The following IL1RAPL2 variants were observed in gnomAD, a reference collection of about 807,000 sequenced individuals.
IL1RAPL2 encodes X-linked interleukin-1 receptor accessory protein-like 2.
A neutral mutation model predicts 44.1 loss-of-function variants in IL1RAPL2; 3 were observed. The observed-to-expected ratio is 0.07, with a 90% confidence interval of 0.03 to 0.18. The LOEUF (loss-of-function observed/expected upper bound fraction) is 0.18. Ranked by LOEUF, IL1RAPL2 falls within the 10% of genes least tolerant of loss-of-function variation. The pLI is 1.00. For synonymous variants in IL1RAPL2, 181 were observed against 178.8 expected, an observed-to-expected ratio of 1.01 and a Z score of -0.10; for missense variants, 391 against 496.4, an observed-to-expected ratio of 0.79 and a Z score of 2.02.
chrX:105,699,293 A>G (rs1209415785), intron 6 of IL1RAPL2, among the ~76,000 whole-genome samples: 1 of 111,328 alleles, frequency 9.0e-6, no homozygotes, highest in Non-Finnish European at 1.9e-5. Flanking sequence ...CAATATTCCT[A>G]GACAAATTAT....
intron 2 of IL1RAPL2, among the ~76,000 whole-genome samples, chrX:105,047,632 T>G (rs1376820346): frequency 9.0e-6 from 1 of 111,396 alleles, no homozygotes; most frequent in Non-Finnish European, 1.9e-5. Context: ...TTGTCTTCTA[T>G]TCTAACAAGA....
At chrX:105,367,832 T>C (rs1424281935) in intron 5 of IL1RAPL2, among the ~76,000 whole-genome samples, 2 of 111,882 alleles carry the variant, frequency 1.8e-5, no homozygotes, top group Non-Finnish European at 3.8e-5. Context: ...CTTTTACCAG[T>C]CAGTTTTATT....
chrX:105,072,019 C>T (rs2032214051), intron 2 of IL1RAPL2, among the ~76,000 whole-genome samples: 1 of 111,371 alleles, frequency 9.0e-6, no homozygotes, highest in African/African-American at 3.3e-5. Flanking sequence ...GATCTGTGTC[C>T]CCATCCAAAT....
chrX:104,837,230 T>C (rs1171299663), intron 2 of IL1RAPL2, among the ~76,000 whole-genome samples: 1 of 111,596 alleles, frequency 9.0e-6, no homozygotes, highest in Admixed American at 9.5e-5. Flanking sequence ...TTATATTCCT[T>C]TGGGTACATA....
chrX:104,627,138 C>T (rs1325910624), intron 1 of IL1RAPL2, among the ~76,000 whole-genome samples: 4 of 109,809 alleles, frequency 3.6e-5, no homozygotes, highest in African/African-American at 9.9e-5. Context: ...GTTGGACAGT[C>T]GAGAACTGAT....
At chrX:105,398,136 A>G (rs1303226779) in intron 5 of IL1RAPL2, among the ~76,000 whole-genome samples, 1 of 111,251 alleles carries the variant, frequency 9.0e-6, no homozygotes, top group Non-Finnish European at 1.9e-5. Flanking sequence ...CAGACACTTG[A>G]TATACAACCT....
chrX:104,604,243 G>A (rs986302749), intron 1 of IL1RAPL2, among the ~76,000 whole-genome samples: 3 of 111,684 alleles, frequency 2.7e-5, no homozygotes, highest in Non-Finnish European at 5.6e-5. Flanking sequence ...GTCCGTTACA[G>A]ACAAGCAAAT....
At chrX:104,931,296 A>G (rs961101177) in intron 2 of IL1RAPL2, among the ~76,000 whole-genome samples, 8 of 109,045 alleles carry the variant, frequency 7.3e-5, no homozygotes, top group Non-Finnish European at 1.1e-4. Context: ...TATGTATTAC[A>G]GTGGAAACAG....
intron 2 of IL1RAPL2, among the ~76,000 whole-genome samples, chrX:105,110,992 C>T (rs1238558402): frequency 9.0e-6 from 1 of 111,677 alleles, no homozygotes; most frequent in African/African-American, 3.3e-5. Flanking sequence ...AGTGACTTTA[C>T]TTGTCTTTTT....
intron 2 of IL1RAPL2, among the ~76,000 whole-genome samples, chrX:105,060,185 G>A (rs1240402114): frequency 2.7e-5 from 3 of 111,241 alleles, no homozygotes; most frequent in African/African-American, 9.8e-5. Context: ...ATTTGGGTGG[G>A]GACACAGAGA....
At chrX:105,502,443 A>G (rs748632862) in intron 6 of IL1RAPL2, among the ~76,000 whole-genome samples, 3 of 111,969 alleles carry the variant, frequency 2.7e-5, no homozygotes, top group Non-Finnish European at 5.6e-5. Context: ...TAACTCATAC[A>G]GAATAGGATA....
At chrX:104,856,356 T>A (rs1315537094) in intron 2 of IL1RAPL2, among the ~76,000 whole-genome samples, 2 of 112,068 alleles carry the variant, frequency 1.8e-5, no homozygotes, top group Non-Finnish European at 3.8e-5. Flanking sequence ...CTACTGTGTA[T>A]CAGATATGTC....
chrX:105,604,658 A>T (rs1409185216), intron 6 of IL1RAPL2, among the ~76,000 whole-genome samples: 1 of 111,282 alleles, frequency 9.0e-6, no homozygotes, highest in Non-Finnish European at 1.9e-5. Context: ...TGAAGCCAGC[A>T]TTACTCTGAA....
chrX:105,367,209 A>G (rs983353193), intron 5 of IL1RAPL2, among the ~76,000 whole-genome samples: 3 of 111,342 alleles, frequency 2.7e-5, no homozygotes, highest in Non-Finnish European at 5.7e-5. Flanking sequence ...CTTTGAGTCT[A>G]TATGTGTCTT....
intron 2 of IL1RAPL2, among the ~76,000 whole-genome samples, chrX:104,822,203 G>A (rs1469650247): frequency 9.0e-6 from 1 of 111,588 alleles, no homozygotes; most frequent in African/African-American, 3.3e-5. Context: ...TAGGTTGCCT[G>A]TTCACTCTGA....
intron 5 of IL1RAPL2, among the ~76,000 whole-genome samples, chrX:105,331,344 A>G (rs1190889783): frequency 9.0e-6 from 1 of 111,576 alleles, no homozygotes; most frequent in Non-Finnish European, 1.9e-5. Flanking sequence ...CCTATATTCC[A>G]TGCTTGCTTA....
chrX:105,574,912 T>C (rs1339001887), intron 6 of IL1RAPL2, among the ~76,000 whole-genome samples: 1 of 111,711 alleles, frequency 9.0e-6, no homozygotes, highest in Non-Finnish European at 1.9e-5. Flanking sequence ...GTACAATTTA[T>C]TAAAACATTT....
intron 6 of IL1RAPL2, among the ~76,000 whole-genome samples, chrX:105,616,330 A>G (rs1281834776): frequency 1.8e-5 from 2 of 112,225 alleles, no homozygotes; most frequent in Non-Finnish European, 3.8e-5. Flanking sequence ...CTTATTTGTA[A>G]AGTTTAAAAT....
At chrX:104,827,687 G>T (rs900247036) in intron 2 of IL1RAPL2, among the ~76,000 whole-genome samples, 3 of 111,643 alleles carry the variant, frequency 2.7e-5, no homozygotes, top group Non-Finnish European at 5.6e-5. Flanking sequence ...GTTAGGTTGG[G>T]GAAGTTCTCC....
Sources: gnomAD v4.1 joint callset for allele counts (sites outside exome capture counted in the v4.1 genomes callset) on GRCh38, gnomAD v4.1.1 for gene constraint, MANE v1.5 for transcripts, NCBI Gene and HGNC (gene_info 2026-07-23, HGNC 2026-07-21) for gene names.